The following COG8 variants were observed in gnomAD, a reference collection of about 807,000 sequenced individuals.
COG8 encodes the protein conserved oligomeric Golgi complex subunit 8.
A neutral mutation model predicts 46.5 loss-of-function variants in COG8; 45 were observed. The ratio of observed to expected loss-of-function variants is 0.97; its 90% confidence interval spans 0.76 to 1.24. The LOEUF is 1.24. Among genes scored for constraint, COG8 ranks in the 50% most tolerant of loss-of-function variants. The pLI, the probability that COG8 is intolerant of heterozygous loss-of-function variation, is 0.00. For synonymous variants in COG8, 407 were observed against 347.8 expected (o/e 1.17, Z -1.90); for missense variants, 793 against 820.8 (o/e 0.97, Z 0.41).
At chr16:69,339,024 TCTCGAAGG>T in intron 1 of COG8, 144 bp downstream of exon 1, 1 of 1,027,140 alleles carries the variant, frequency 9.7e-7, no homozygotes, top group Admixed American at 2.3e-5. Context: ...ACAGTACCTA[TCTCGAAGG>T]CTGTTGTGAG....
rs1965664488 is a variant in COG8 at position 69,328,264 on chromosome 16, A to G, written c.*942T>C. ...CCTGGCCACTTTCTTAAACCTACAC[A>G]TTGGTTGCTGTGATATTAATTCTAT... On this transcript the variant is annotated 3_prime_UTR_variant, in exon 6 of 6. Transcript: ENST00000306875. 1 of 151,950 alleles carries G rather than the reference A, an allele frequency of 6.6e-6. No homozygotes were observed. The highest frequency in any genetic ancestry group is 1.9e-4 in the East Asian group (1 of 5,186). 9.4% of individuals were successfully genotyped at this position (151,950 alleles called of 1,614,324 possible).
At position 69,327,395 on chromosome 16, in the gene COG8, T is replaced by TG. The variant is rs1965630739; in HGVS notation, c.*1810dup. On this transcript the variant is annotated 3_prime_UTR_variant, in exon 6 of 6. Coordinates refer to ENST00000306875, the MANE Select transcript of COG8 (RefSeq NM_032382.5). Reference sequence around the variant, plus strand: ...GTTGGCCAGGCTGGTCTTGAACTCCTGACCTCAGGTGATCTGCCTGCCTTG... The same window carrying TG: ...GTTGGCCAGGCTGGTCTTGAACTCCTGGACCTCAGGTGATCTGCCTGCCTTG... 2 of 152,174 alleles carry TG rather than the reference T, an allele frequency of 1.3e-5. No homozygotes were observed. Among genetic ancestry groups the TG allele is most frequent in the East Asian group, 3.9e-4 (2 of 5,180 alleles). 9.4% of individuals were successfully genotyped at this position (152,174 alleles called of 1,614,324 possible).
intron 4 of COG8, 75 bp downstream of exon 4, chr16:69,332,635 GACTT>G (rs756423362): frequency 3.9e-5 from 52 of 1,321,832 alleles, no homozygotes; most frequent in South Asian, 5.9e-5. Context: ...AAAAAACACT[GACTT>G]ACACAAATGG....
intron 4 of COG8, among the ~76,000 whole-genome samples, chr16:69,331,457 A>AAAAAG (rs2011831950): frequency 1.3e-5 from 1 of 76,808 alleles, no homozygotes; most frequent in African/African-American, 5.7e-5. Flanking sequence ...CCGTCTCAAA[A>AAAAAG]AAAAAAAAAA....
rs1264633684 is a variant in COG8, at chr16:69,326,948, C to T, written c.*2258G>A. On this transcript the variant is annotated 3_prime_UTR_variant, in exon 6 of 6. Coordinates refer to ENST00000306875, the MANE Select transcript of COG8 (RefSeq NM_032382.5). ...TTTGCATTTTATTGCTACCGATGCCCACCACAAAAGCGTTAACCTCAGAAA... is the reference window on the plus strand; with the variant it reads ...TTTGCATTTTATTGCTACCGATGCCTACCACAAAAGCGTTAACCTCAGAAA... 6.6e-6 allele frequency: 1 copy of T among 152,096 alleles called. No homozygotes were observed. The highest frequency in any genetic ancestry group is 1.5e-5 in the Non-Finnish European group (1 of 68,038). The allele number at this position is 152,096 out of a possible 1,614,324, so 9.4% of individuals were successfully genotyped here.
At chr16:69,334,444 C>T (rs1035844998) in intron 3 of COG8, 77 bp downstream of exon 3, 29 of 1,247,270 alleles carry the variant, frequency 2.3e-5, no homozygotes, top group East Asian at 7.3e-5. Context: ...GTCAAATAGA[C>T]GGGTTTATTA....
At chr16:69,330,653 A>G (rs962862115) in intron 5 of COG8, 160 bp downstream of exon 5, 4 of 1,405,586 alleles carry the variant, frequency 2.8e-6, no homozygotes, top group Non-Finnish European at 3.7e-6. Context: ...GCCAGCACAC[A>G]GCGAAGCCGC....
In COG8 at chr16:69,339,451, G is replaced by T. The variant is rs774410136; in HGVS notation, c.102C>A (p.Arg34=). ...GCTCGCGCCACTGGGCCTCGGGGAAGCGGTCCCGGAACAGCGACGCCAGGA... is the reference window on the plus strand; with the variant it reads ...GCTCGCGCCACTGGGCCTCGGGGAATCGGTCCCGGAACAGCGACGCCAGGA... ...EGLLASLFRD[R]FPEAQWRERP... Residue 34 remains arginine, a synonymous_variant, in exon 1 of 6, where the codon CGC becomes CGA. Coordinates refer to ENST00000306875, the MANE Select transcript of COG8 (RefSeq NM_032382.5). 3.8e-6 allele frequency: 6 copies of T among 1,595,470 alleles called. No homozygotes were observed. The Admixed American group carries it at 1.0e-4, about 27-fold the overall frequency.
chr16:69,336,774 T>G, intron 1 of COG8, 62 bp from the exon 2 acceptor site: 1 of 1,370,530 alleles, frequency 7.3e-7, no homozygotes, highest in Non-Finnish European at 1.0e-6. Flanking sequence ...TAGCTACAGT[T>G]ACCAAGTACC....
intron 5 of COG8, 126 bp from the exon 6 acceptor site, chr16:69,329,305 G>A: frequency 7.1e-6 from 7 of 985,930 alleles, no homozygotes; most frequent in Non-Finnish European, 9.9e-6. Context: ...GGCAAATGTA[G>A]ACAGCAGCTC....
Position 69,330,794 on chromosome 16 carries a change from C to G in COG8, c.*26+19G>C, listed in dbSNP as rs1401602811. On this transcript the variant is annotated intron_variant, in intron 5 of 5. Transcript: ENST00000306875. Reference sequence around the variant, plus strand: ...GGGCGAGGCAGTCCTGGCCACCCCGCGCCGGGAACCTCACGCACCGCGTTC... The same window carrying G: ...GGGCGAGGCAGTCCTGGCCACCCCGGGCCGGGAACCTCACGCACCGCGTTC... The G allele has an allele frequency of 1.8e-5, 27 of 1,510,852 alleles. No individual in the cohort carries two copies. The highest frequency in any genetic ancestry group is 2.2e-5 in the Non-Finnish European group (25 of 1,135,818). The allele number at this position is 1,510,852 out of a possible 1,614,324, so 93.6% of individuals were successfully genotyped here.
chr16:69,335,803 G>C (rs902441877), intron 2 of COG8, among the ~76,000 whole-genome samples: 2 of 147,452 alleles, frequency 1.4e-5, no homozygotes, highest in Non-Finnish European at 3.0e-5. Flanking sequence ...GGGACAGAGC[G>C]AGACTCTGTC....
rs148609307 is a variant in COG8, at chr16:69,339,533, A to C, written c.20T>G (p.Ile7Ser). The change falls in exon 1 of 6, where the codon ATC becomes AGC. Residue 7 changes from isoleucine (I) to serine (S), a missense_variant. Physicochemically the swap from Ile to Ser is moderately radical, Grantham distance 142. Transcript: ENST00000306875. MATAATIPSVATATAAA... is the reference protein window; with the variant it reads MATAATSPSVATATAAA... ...TGCTGTGGCCGTGGCTACCGATGGG[A>C]TAGTCGCCGCGGTCGCCATCTTCCC... The C allele has an allele frequency of 2.8e-4, 451 of 1,608,660 alleles. 2 individuals are homozygous for C. The African/African-American group carries it at 4.9e-3, about 18-fold the overall frequency.
rs904396308 is a variant in COG8 at position 69,327,357 on chromosome 16, A to T, written c.*1849T>A. 1.3e-5 allele frequency: 2 copies of T among 151,852 alleles called. No homozygotes were observed. Among genetic ancestry groups the T allele is most frequent in the African/African-American group, 4.8e-5 (2 of 41,322 alleles). 9.4% of individuals were successfully genotyped at this position (151,852 alleles called of 1,614,324 possible). ...TAATTTTCATATTTTTAGTAGAAAC[A>T]GTGTTTCGCCATGTTGGCCAGGCTG... On this transcript the variant is annotated 3_prime_UTR_variant, in exon 6 of 6. Transcript: ENST00000306875.
chr16:69,330,505 C>T (rs916721773), intron 5 of COG8: 4 of 1,472,346 alleles, frequency 2.7e-6, no homozygotes, highest in African/African-American at 2.9e-5. Flanking sequence ...CGACGGCTGC[C>T]GCCCCGCCCC....
rs1365102179 is a variant in COG8 at position 69,335,088 on chromosome 16, G to C, written c.846C>G (p.Leu282=). Residue 282 remains leucine (L), a synonymous_variant, in exon 3 of 6, where the codon CTC becomes CTG. Transcript: ENST00000306875. The part of the protein sequence containing the change: ...TKTIEASRVH[L]FDIITQYRAI... ...CACGGTACTGGGTGATGATATCAAA[G>C]AGATGGACACGGGAGGCCTCGATGG... is the stretch of plus-strand genomic sequence containing the variant. The C allele has an allele frequency of 1.2e-6, 2 of 1,614,218 alleles. No individual in the cohort carries two copies. Among genetic ancestry groups the C allele is most frequent in the Non-Finnish European group, 1.7e-6 (2 of 1,180,046 alleles).
rs774761870 is a variant in COG8, at chr16:69,334,674, C to T, written c.1260G>A (p.Pro420=). The T allele has an allele frequency of 6.2e-6, 10 of 1,614,080 alleles. No individual in the cohort carries two copies. The highest frequency in any genetic ancestry group is 8.5e-6 in the Non-Finnish European group (10 of 1,180,052). Residue 420 remains proline, a synonymous_variant, in exon 3 of 6, where the codon CCG becomes CCA. Transcript: ENST00000306875. ...NMPAAVPATQ[P]GTLQPPMVLL... is the part of the protein sequence containing the mutation. ...GCACCATGGGTGGCTGCAGCGTCCC[C>T]GGCTGGGTGGCTGGCACAGCAGCAG...
chr16:69,337,253 C>T (rs1414555981), intron 1 of COG8, among the ~76,000 whole-genome samples: 2 of 149,420 alleles, frequency 1.3e-5, no homozygotes, highest in Non-Finnish European at 1.5e-5. Flanking sequence ...TGCACTGCAG[C>T]CTGGCCAACA....
intron 3 of COG8, among the ~76,000 whole-genome samples, chr16:69,333,460 G>A (rs1349553681): frequency 6.6e-6 from 1 of 152,170 alleles, no homozygotes; most frequent in South Asian, 2.1e-4. Flanking sequence ...GAGCCACTGC[G>A]CCCGGCCCAA....
Sources: allele counts gnomAD v4.1 joint callset (sites outside exome capture counted in the v4.1 genomes callset), GRCh38; gene constraint gnomAD v4.1.1; transcripts MANE v1.5; gene names NCBI Gene and HGNC (gene_info 2026-07-23, HGNC 2026-07-21).